Variants in TIMP2 observed in about 807,000 individuals in gnomAD.
TIMP2 encodes the protein TIMP metallopeptidase inhibitor 2.
In TIMP2, 5 loss-of-function variants were observed where a neutral mutation model predicts 24.3. The observed-to-expected ratio is 0.21, with a 90% CI of 0.11 to 0.43. The LOEUF (loss-of-function observed/expected upper bound fraction) is 0.43, where lower values mean the gene tolerates loss of function less well. Ranked by LOEUF, TIMP2 falls within the 20% of genes least tolerant of loss-of-function variation. TIMP2 has a pLI of 1.00. For synonymous variants in TIMP2, 130 were observed against 123.2 expected, an observed-to-expected ratio of 1.06 and a Z score of -0.37; for missense variants, 221 against 297.5, an observed-to-expected ratio of 0.74 and a Z score of 1.89.
chr17:78,921,952 T>C (rs2070311241), intron 1 of TIMP2, among the ~76,000 whole-genome samples: 2 of 152,248 alleles, frequency 1.3e-5, no homozygotes, highest in African/African-American at 2.4e-5. Context: ...CAAGGCTGCA[T>C]GCAGCCAAGA....
At chr17:78,878,859 G>A (rs1048923366) in intron 1 of TIMP2, among the ~76,000 whole-genome samples, 1 of 152,124 alleles carries the variant, frequency 6.6e-6, no homozygotes, top group African/African-American at 2.4e-5. Context: ...TTTAAATTGG[G>A]GGTGGGCACC....
Position 78,896,804 on chromosome 17 carries a change from T to C in TIMP2, c.131-22885A>G, listed in dbSNP as rs1486219429. 2.0e-6 allele frequency: 1 copy of C among 488,310 alleles called. No homozygotes were observed. Among genetic ancestry groups the C allele is most frequent in the African/African-American group, 2.1e-5 (1 of 47,270 alleles). The allele number at this position is 488,310 out of a possible 1,614,324, so 30.2% of individuals were successfully genotyped here. A position where few individuals can be genotyped will look rare whatever the true frequency, so the allele number is the denominator to read the frequency against. On this transcript the variant is annotated intron_variant, in intron 1 of 4. Coordinates refer to ENST00000262768, the MANE Select transcript of TIMP2 (RefSeq NM_003255.5). The surrounding 1 kb of genome is among the most constrained non-coding windows in gnomAD (Gnocchi z 4.4). Reference sequence around the variant, plus strand: ...CAGAGCGGAGTGGACACTGGGCCCATTCTCCTCTCTTGCTCTCTACAGCCC... The same window carrying C: ...CAGAGCGGAGTGGACACTGGGCCCACTCTCCTCTCTTGCTCTCTACAGCCC...
At chr17:78,916,929 C>T (rs2070263839) in intron 1 of TIMP2, among the ~76,000 whole-genome samples, 1 of 152,208 alleles carries the variant, frequency 6.6e-6, no homozygotes, top group African/African-American at 2.4e-5. Flanking sequence ...CCTCAGGGCC[C>T]ACAATCTCAA....
intron 1 of TIMP2, among the ~76,000 whole-genome samples, chr17:78,916,074 C>A (rs562607599): frequency 1.3e-5 from 2 of 152,142 alleles, no homozygotes; most frequent in East Asian, 3.9e-4. Flanking sequence ...TCCCTCAGGG[C>A]GGGGTGGGGA....
In TIMP2 at chr17:78,853,846, C is replaced by G. The variant is rs1005803906; in HGVS notation, c.*1821G>C. 6.6e-6 allele frequency: 1 copy of G among 152,354 alleles called. No homozygotes were observed. The highest frequency in any genetic ancestry group is 2.1e-4 in the South Asian group (1 of 4,802). 9.4% of individuals were successfully genotyped at this position (152,354 alleles called of 1,614,324 possible). ...ACATATGATATCACCATACAGGAAG[C>G]GAACAGGGGTGGGGTGTTATATGGG... is the stretch of plus-strand genomic sequence containing the variant. On this transcript the variant is annotated 3_prime_UTR_variant, in exon 5 of 5. Coordinates refer to ENST00000262768, the MANE Select transcript of TIMP2 (RefSeq NM_003255.5).
chr17:78,895,519 G>A (rs953278706), intron 1 of TIMP2, among the ~76,000 whole-genome samples: 1 of 152,206 alleles, frequency 6.6e-6, no homozygotes, highest in African/African-American at 2.4e-5. Flanking sequence ...GGAACCCTGT[G>A]CACGCTGCTG....
intron 3 of TIMP2, among the ~76,000 whole-genome samples, chr17:78,860,106 G>A (rs1010723062): frequency 1.3e-5 from 2 of 152,126 alleles, no homozygotes; most frequent in Non-Finnish European, 2.9e-5. Context: ...AACCCAGGAG[G>A]TGGAGGTTGC....
chr17:78,888,355 TCA>T (rs1213150768), intron 1 of TIMP2, among the ~76,000 whole-genome samples: 2 of 152,044 alleles, frequency 1.3e-5, no homozygotes, highest in Non-Finnish European at 2.9e-5. Context: ...AGACAGCGTT[TCA>T]CAGTGTTGAC....
intron 1 of TIMP2, among the ~76,000 whole-genome samples, chr17:78,919,055 C>T (rs1048917766): frequency 3.3e-5 from 5 of 152,188 alleles, no homozygotes; most frequent in Non-Finnish European, 4.4e-5. Context: ...TTCTTAGCAC[C>T]GAGGCTGTAC....
chr17:78,893,221 AG>A (rs1246817828), intron 1 of TIMP2, among the ~76,000 whole-genome samples: 4 of 109,606 alleles, frequency 3.6e-5, no homozygotes, highest in Admixed American at 1.8e-4. Context: ...ATGTGTGTGC[AG>A]GGGTGTGTGT....
chr17:78,867,116 C>A (rs2069623633), intron 3 of TIMP2, among the ~76,000 whole-genome samples: 1 of 152,082 alleles, frequency 6.6e-6, no homozygotes, highest in Non-Finnish European at 1.5e-5. Context: ...CAAAAATTAG[C>A]CAGGTATGGG....
At chr17:78,911,363 C>T (rs8068674) in intron 1 of TIMP2, among the ~76,000 whole-genome samples, 64,034 of 151,844 alleles carry the variant, frequency 0.42, 13,601 homozygotes, top group Middle Eastern at 0.46. Context: ...AGGATCTCAA[C>T]ATTCTAGAAG....
rs554127133 is a variant in TIMP2, at chr17:78,883,610, C to G, written c.131-9691G>C. ...CACCTGGGGGTGCTCCAGGCCCTGC[C>G]GCCCCAGGGAATGCTCCCTCCCCGG... On this transcript the variant is annotated intron_variant, in intron 1 of 4. Transcript: ENST00000262768. Among the ~76,000 whole-genome samples, 65 of 152,306 alleles carry G rather than the reference C, an allele frequency of 4.3e-4. No individual in the cohort carries two copies. In the South Asian group the frequency reaches 0.013, roughly 31 times the overall value.
rs2145800524 is a variant in TIMP2, at chr17:78,924,245, G to T, written c.130+714C>A. 6.6e-6 allele frequency among the ~76,000 whole-genome samples: 1 copy of T among 152,346 alleles called. No homozygotes were observed. Among genetic ancestry groups the T allele is most frequent in the East Asian group, 1.9e-4 (1 of 5,182 alleles). On this transcript the variant is annotated intron_variant, in intron 1 of 4. Transcript: ENST00000262768. The surrounding 1 kb of genome is among the most constrained non-coding windows in gnomAD (Gnocchi z 5.3). Reference sequence around the variant, plus strand: ...AATCTGAGCAGCAGCACAGTCCCACGTGCCGGGTCCGGTCACCAAAGTCTC... The same window carrying T: ...AATCTGAGCAGCAGCACAGTCCCACTTGCCGGGTCCGGTCACCAAAGTCTC...
intron 3 of TIMP2, among the ~76,000 whole-genome samples, chr17:78,858,641 C>T (rs1350724832): frequency 6.6e-6 from 1 of 152,110 alleles, no homozygotes; most frequent in African/African-American, 2.4e-5. Flanking sequence ...CCGTCTCAGT[C>T]TCCTGAATAG....
chr17:78,872,839 CTTTTT>C (rs1436063438), intron 2 of TIMP2, among the ~76,000 whole-genome samples: 3 of 145,394 alleles, frequency 2.1e-5, no homozygotes, highest in Admixed American at 6.9e-5. Flanking sequence ...TTTTTTTTTT[CTTTTT>C]TTGAGATGGA....
chr17:78,909,222 G>C (rs1361584258), intron 1 of TIMP2, among the ~76,000 whole-genome samples: 2 of 152,082 alleles, frequency 1.3e-5, no homozygotes, highest in African/African-American at 4.8e-5. Context: ...AAGCGTGGTG[G>C]CACACACCTG....
Position 78,857,268 on chromosome 17 carries a change from G to A in TIMP2, c.465+254C>T, listed in dbSNP as rs147436989. On this transcript the variant is annotated intron_variant, in intron 4 of 4. Coordinates refer to ENST00000262768, the MANE Select transcript of TIMP2 (RefSeq NM_003255.5). ...CTCCCAAAGTGCCGGGATTACAGGC[G>A]TGAGCCGCAGCGCCCGGCCTCCAGA... 927 of 478,494 alleles carry A rather than the reference G, an allele frequency of 1.9e-3. 5 individuals are homozygous for A. The highest frequency in any genetic ancestry group is 0.017 in the African/African-American group (856 of 51,346). 29.6% of individuals were successfully genotyped at this position (478,494 alleles called of 1,614,324 possible).
chr17:78,879,922 A>G (rs1360495546), intron 1 of TIMP2, among the ~76,000 whole-genome samples: 1 of 152,050 alleles, frequency 6.6e-6, no homozygotes, highest in East Asian at 1.9e-4. Flanking sequence ...GGGACGGAAA[A>G]GAACCGGGTG....
Sources: gnomAD v4.1 joint callset for allele counts (sites outside exome capture counted in the v4.1 genomes callset) on GRCh38, gnomAD v4.1.1 for gene constraint, Gnocchi (gnomAD v3.1) non-coding constraint, MANE v1.5 for transcripts, NCBI Gene and HGNC (gene_info 2026-07-23, HGNC 2026-07-21) for gene names.